KCNK4: variants seen among roughly 807,000 people sequenced by gnomAD.
KCNK4 encodes potassium two pore domain channel subfamily K member 4, also known as potassium channel subfamily K member 4.
In KCNK4, 22 loss-of-function variants were observed where a neutral mutation model predicts 28.8. The ratio of observed to expected loss-of-function variants is 0.76; its 90% CI spans 0.55 to 1.09. The LOEUF (loss-of-function observed/expected upper bound fraction) is 1.09, where lower values mean the gene tolerates loss of function less well. KCNK4 is among the 50% of genes least tolerant of loss of function. The pLI, the probability that KCNK4 is intolerant of heterozygous loss-of-function variation, is 0.00. For missense variants in KCNK4, 483 were observed against 546.3 expected (o/e 0.88, Z 1.15); for synonymous variants, 263 against 252.9 (o/e 1.04, Z -0.38).
chr11:64,296,485 T>G (rs947209857), intron 2 of KCNK4, among the ~76,000 whole-genome samples: 4 of 152,048 alleles, frequency 2.6e-5, no homozygotes, highest in African/African-American at 7.2e-5. Flanking sequence ...GGGAGGCAGA[T>G]GCTGTCACTA....
rs201234773 is a variant in KCNK4, at chr11:64,299,638, C to T, written c.1094C>T (p.Pro365Leu). Residue 365 changes from proline to leucine, a missense_variant, in exon 7 of 7, where the codon CCG (proline) becomes CTG (leucine). By Grantham distance (98) the Pro-to-Leu change is moderately conservative (BLOSUM62 -3). Coordinates refer to ENST00000422670, the MANE Select transcript of KCNK4 (RefSeq NM_033310.3). ...CGCGGCTGCCCGCTGCCCCGCGCGC[C>T]GAGAGGTCGCCGCCGCCCAAATCCC... is the stretch of plus-strand genomic sequence containing the variant. ...SERGCPLPRA[P>L]RGRRRPNPPR... 2,996 of 1,607,216 alleles carry T rather than the reference C, an allele frequency of 1.9e-3. 19 individuals are homozygous for T. The highest frequency in any genetic ancestry group is 1.8e-3 in the Non-Finnish European group (2,170 of 1,177,554).
intron 1 of KCNK4, chr11:64,292,136 G>A: frequency 1.0e-6 from 1 of 982,444 alleles, no homozygotes; most frequent in South Asian, 3.9e-5. Context: ...CGTGCAGCGG[G>A]GCGGCGCGGC....
At chr11:64,298,867 C>G (rs958966977) in intron 6 of KCNK4, among the ~76,000 whole-genome samples, 3 of 151,598 alleles carry the variant, frequency 2.0e-5, no homozygotes, top group Non-Finnish European at 4.4e-5. Context: ...ACAGTGAAAC[C>G]CCGTCTCTAC....
At chr11:64,292,112 A>G in intron 1 of KCNK4, 1 of 1,026,058 alleles carries the variant, frequency 9.7e-7, no homozygotes, top group Non-Finnish European at 1.2e-6. Flanking sequence ...CGGAGAGTGC[A>G]GGTGGGGTGC....
chr11:64,296,317 G>T, intron 2 of KCNK4, among the ~76,000 whole-genome samples: 1 of 152,082 alleles, frequency 6.6e-6, no homozygotes, highest in East Asian at 1.9e-4. Flanking sequence ...AAAGTCCCTA[G>T]CTTTCTTGAG....
chr11:64,298,597 G>A (rs1036239012), intron 6 of KCNK4, among the ~76,000 whole-genome samples: 1 of 152,114 alleles, frequency 6.6e-6, no homozygotes, highest in Non-Finnish European at 1.5e-5. Context: ...TGGGAGGATC[G>A]CTTGAGCCAG....
intron 6 of KCNK4, 63 bp downstream of exon 6, chr11:64,298,312 A>C (rs1313669574): frequency 1.9e-6 from 3 of 1,592,134 alleles, no homozygotes; most frequent in Non-Finnish European, 2.6e-6. Flanking sequence ...GTTCCCTAGC[A>C]GGGGGTTGAT....
At position 64,292,971 on chromosome 11, in the gene KCNK4, C is replaced by G. The variant is rs945213120; in HGVS notation, c.-48C>G. 2 of 1,501,234 alleles carry G rather than the reference C, an allele frequency of 1.3e-6. No homozygotes were observed. The highest frequency in any genetic ancestry group is 1.3e-5 in the South Asian group (1 of 78,660). The allele number at this position is 1,501,234 out of a possible 1,614,324, so 93.0% of individuals were successfully genotyped here. A position where few individuals can be genotyped will look rare whatever the true frequency, so the allele number is the denominator to read the frequency against. On this transcript the variant is annotated 5_prime_UTR_variant, in exon 2 of 7. Coordinates refer to ENST00000422670, the MANE Select transcript of KCNK4 (RefSeq NM_033310.3). Reference sequence around the variant, plus strand: ...GACAGCTCCCCAGGAGCCCCCCGCCCGGCCCCTCCAGGCGGGCAGTGGAGC... The same window carrying G: ...GACAGCTCCCCAGGAGCCCCCCGCCGGGCCCCTCCAGGCGGGCAGTGGAGC...
intron 2 of KCNK4, among the ~76,000 whole-genome samples, chr11:64,293,766 A>G (rs1257748913): frequency 2.0e-5 from 3 of 151,906 alleles, no homozygotes; most frequent in Admixed American, 2.0e-4. Flanking sequence ...ACACCCGGCT[A>G]AATTTTGTGT....
chr11:64,299,934 G>T lies in KCNK4; in HGVS notation c.*208G>T. ...CCAAGGCTTTCTGTGTCGCTGCCCC[G>T]GGCGGGTGTATCCCTCACAGCACCT... On this transcript the variant is annotated 3_prime_UTR_variant, in exon 7 of 7. Transcript: ENST00000422670. The T allele has an allele frequency of 1.1e-6, 1 of 934,564 alleles. No homozygotes were observed. Among genetic ancestry groups the T allele is most frequent in the Non-Finnish European group, 1.6e-6 (1 of 628,686 alleles). The allele number at this position is 934,564 out of a possible 1,614,324, so 57.9% of individuals were successfully genotyped here. A position where few individuals can be genotyped will look rare whatever the true frequency, so the allele number is the denominator to read the frequency against.
At chr11:64,294,833 A>G (rs2034726371) in intron 2 of KCNK4, among the ~76,000 whole-genome samples, 1 of 145,274 alleles carries the variant, frequency 6.9e-6, no homozygotes, top group Non-Finnish European at 1.5e-5. Flanking sequence ...TGACACTTAC[A>G]GAATGCCAGT....
rs750984504 is a variant in KCNK4, at chr11:64,299,720, G to A, written c.1176G>A (p.Pro392=). 1.3e-6 allele frequency: 2 copies of A among 1,554,964 alleles called. No individual in the cohort carries two copies. The highest frequency in any genetic ancestry group is 1.9e-5 in the Admixed American group (1 of 52,396). The change falls in exon 7 of 7, where the codon CCG becomes CCA. Residue 392 remains proline, a synonymous_variant. Transcript: ENST00000422670. ...GGCGTCCCCGAGACAAAGGCGTGCC[G>A]GTGTAGGGGCAGGATCCCTGGCCGG... The part of the protein sequence containing the change: ...GPGRPRDKGV[P]V
Position 64,297,209 on chromosome 11 carries a change from TG to T in KCNK4, c.406del (p.Ala136GlnfsTer23). The T allele has an allele frequency of 6.2e-7, 1 of 1,614,156 alleles. No homozygotes were observed. The highest frequency in any genetic ancestry group is 8.5e-7 in the Non-Finnish European group (1 of 1,180,030). On this transcript the variant is annotated frameshift_variant, in exon 4 of 7. Coordinates refer to ENST00000422670, the MANE Select transcript of KCNK4 (RefSeq NM_033310.3). LOFTEE classifies it high-confidence loss of function. ...GGGATTCCGCTGTTTGGGATCCTAC[TG>T]GCAGGGGTCGGGGACCGGCTGGGCT... ...LVGIPLFGIL[L>X]AGVGDRLGSS...
At chr11:64,296,598 T>A (rs894116081) in intron 2 of KCNK4, among the ~76,000 whole-genome samples, 1 of 152,164 alleles carries the variant, frequency 6.6e-6, no homozygotes, top group Non-Finnish European at 1.5e-5. Flanking sequence ...CCAGGGTCTG[T>A]GCTCCTGACC....
intron 6 of KCNK4, among the ~76,000 whole-genome samples, chr11:64,298,611 A>T (rs1391250425): frequency 1.3e-5 from 2 of 152,058 alleles, no homozygotes; most frequent in African/African-American, 4.8e-5. Flanking sequence ...GAGCCAGGGG[A>T]GGTCGAGGCA....
chr11:64,297,728 C>T, intron 5 of KCNK4, 75 bp downstream of exon 5: 2 of 1,455,420 alleles, frequency 1.4e-6, no homozygotes. Flanking sequence ...TCCTGCCTTT[C>T]CCTCCAGATC....
In KCNK4 at chr11:64,298,198, C is replaced by A; in HGVS notation, c.750C>A (p.Leu250=). The A allele has an allele frequency of 6.2e-7, 1 of 1,613,700 alleles. No homozygotes were observed. Among genetic ancestry groups the A allele is most frequent in the Non-Finnish European group, 8.5e-7 (1 of 1,180,036 alleles). Residue 250 remains leucine, a synonymous_variant, in exon 6 of 7, where the codon CTC becomes CTA. Coordinates refer to ENST00000422670, the MANE Select transcript of KCNK4 (RefSeq NM_033310.3). ...LLGLAYFASV[L]TTIGNWLRVV... ...GCCTGGCTTACTTCGCCTCAGTGCT[C>A]ACCACCATCGGGAACTGGCTGCGAG...
rs1360957865 is a variant in KCNK4, at chr11:64,298,201, C to T, written c.753C>T (p.Thr251=). The T allele has an allele frequency of 6.2e-7, 1 of 1,613,658 alleles. No individual in the cohort carries two copies. The highest frequency in any genetic ancestry group is 1.1e-5 in the South Asian group (1 of 91,070). Residue 251 remains threonine (T), a synonymous_variant, in exon 6 of 7, where the codon ACC becomes ACT. Coordinates refer to ENST00000422670, the MANE Select transcript of KCNK4 (RefSeq NM_033310.3). ...LGLAYFASVL[T]TIGNWLRVVS... ...TGGCTTACTTCGCCTCAGTGCTCAC[C>T]ACCATCGGGAACTGGCTGCGAGTAG...
chr11:64,294,584 C>CT (rs2034720201), intron 2 of KCNK4, among the ~76,000 whole-genome samples: 1 of 150,938 alleles, frequency 6.6e-6, no homozygotes, highest in South Asian at 2.1e-4. Context: ...GCAGGCACGT[C>CT]TGTTACTTTT....
Sources: gnomAD v4.1 joint callset for allele counts (sites outside exome capture counted in the v4.1 genomes callset) on GRCh38, gnomAD v4.1.1 for gene constraint, MANE v1.5 for transcripts, NCBI Gene and HGNC (gene_info 2026-07-23, HGNC 2026-07-21) for gene names.